Variants in TMEM132E observed in about 807,000 individuals in gnomAD.
The protein encoded by TMEM132E is transmembrane protein 132E.
Under a neutral mutation model 78.5 loss-of-function variants are expected in TMEM132E, and 49 were observed. The observed-to-expected ratio is 0.62, with a 90% CI of 0.50 to 0.79. The LOEUF is 0.79. Ranked by LOEUF, TMEM132E falls within the 30% of genes least tolerant of loss-of-function variation. The probability of loss-of-function intolerance (pLI) is 0.00; values close to 1 mark genes in which losing one functional copy is unlikely to be tolerated. For missense variants in TMEM132E, 1,403 were observed against 1,470.9 expected (o/e 0.95, Z 0.75); for synonymous variants, 715 against 670.6 (o/e 1.07, Z -1.02).
chr17:34,622,117 G>A (rs1254525014), intron 1 of TMEM132E, among the ~76,000 whole-genome samples: 2 of 152,180 alleles, frequency 1.3e-5, no homozygotes, highest in East Asian at 1.9e-4. Context: ...GCACACACGC[G>A]TGTGTGCACT....
At chr17:34,635,453 AAATCATCTACCTAAG>A (rs147168524) in intron 7 of TMEM132E, among the ~76,000 whole-genome samples, 19,085 of 152,174 alleles carry the variant, frequency 0.13, 1,521 homozygotes, top group East Asian at 0.34. Flanking sequence ...GTCTGGATAG[AAATCATCTACCTAAG>A]AAACTGTTGT....
intron 1 of TMEM132E, among the ~76,000 whole-genome samples, chr17:34,604,817 G>C (rs1247093430): frequency 6.6e-6 from 1 of 152,224 alleles, no homozygotes; most frequent in African/African-American, 2.4e-5. Flanking sequence ...TTATTTCTGA[G>C]CATTTCTGTG....
In TMEM132E at chr17:34,628,589, T is replaced by C. The variant is rs1907236554; in HGVS notation, c.1025T>C (p.Leu342Pro). ...LRVKAKKGVT[L>P]LGTKSRSGQW... ...GTGAAGGCCAAGAAGGGTGTGACCC[T>C]TTTAGGTACCAAGTCACGGAGTGGC... Residue 342 changes from leucine to proline, a missense_variant, in exon 3 of 9, where the codon CTT (leucine) becomes CCT (proline). By Grantham distance (98) the Leu-to-Pro change is moderately conservative. Transcript: ENST00000631683. 1 of 1,613,894 alleles carries C rather than the reference T, an allele frequency of 6.2e-7. No individual in the cohort carries two copies. The highest frequency in any genetic ancestry group is 1.3e-5 in the African/African-American group (1 of 75,026).
At chr17:34,592,986 A>G (rs1905927571) in intron 1 of TMEM132E, among the ~76,000 whole-genome samples, 1 of 152,258 alleles carries the variant, frequency 6.6e-6, no homozygotes, top group Non-Finnish European at 1.5e-5. Flanking sequence ...TCCAATAGAA[A>G]TATAACAGCA....
chr17:34,635,922 G>A lies in TMEM132E; in HGVS notation c.1978-85G>A, dbSNP rs1028036342. The A allele has an allele frequency of 4.7e-6, 6 of 1,282,744 alleles. No homozygotes were observed. In the East Asian group the frequency reaches 1.6e-4, roughly 33 times the overall value. The allele number at this position is 1,282,744 out of a possible 1,614,324, so 79.5% of individuals were successfully genotyped here. A position where few individuals can be genotyped will look rare whatever the true frequency, so the allele number is the denominator to read the frequency against. On this transcript the variant is annotated intron_variant, in intron 7 of 8. Transcript: ENST00000631683. ...CCCTTCAGGCCCCTCTTCCAGCAGTGCTGGGATTTCTCCCTAGCTGGGGGT... is the reference window on the plus strand; with the variant it reads ...CCCTTCAGGCCCCTCTTCCAGCAGTACTGGGATTTCTCCCTAGCTGGGGGT...
chr17:34,613,199 A>G (rs1452466536), intron 1 of TMEM132E, among the ~76,000 whole-genome samples: 12 of 110,256 alleles, frequency 1.1e-4, no homozygotes, highest in Admixed American at 1.1e-3. Flanking sequence ...ACACACACCC[A>G]CACACACACA....
At chr17:34,592,326 A>T (rs1905901048) in intron 1 of TMEM132E, among the ~76,000 whole-genome samples, 1 of 152,084 alleles carries the variant, frequency 6.6e-6, no homozygotes, top group Non-Finnish European at 1.5e-5. Context: ...GGCCCCCATC[A>T]CAATGCCAAA....
Position 34,639,186 on chromosome 17 carries a change from C to G in TMEM132E, c.*954C>G, listed in dbSNP as rs1358541836. The G allele has an allele frequency of 6.6e-6, 1 of 152,516 alleles. No homozygotes were observed. Among genetic ancestry groups the G allele is most frequent in the Non-Finnish European group, 1.5e-5 (1 of 68,030 alleles). 9.4% of individuals were successfully genotyped at this position (152,516 alleles called of 1,614,324 possible). On this transcript the variant is annotated 3_prime_UTR_variant, in exon 9 of 9. Coordinates refer to ENST00000631683, the MANE Select transcript of TMEM132E (RefSeq NM_001304438.2). Reference sequence around the variant, plus strand: ...CAGGGTGGGCAAATGCAGAAGGGAGCCAGTGTCGCCCCTACCCCATCCCAC... The same window carrying G: ...CAGGGTGGGCAAATGCAGAAGGGAGGCAGTGTCGCCCCTACCCCATCCCAC...
At chr17:34,627,426 T>G (rs758404) in intron 2 of TMEM132E, among the ~76,000 whole-genome samples, 25,271 of 147,396 alleles carry the variant, frequency 0.17, 2,292 homozygotes, top group East Asian at 0.37. Flanking sequence ...GAAGAGAAAT[T>G]GGGTCCAGAG....
Position 34,626,164 on chromosome 17 carries a change from G to T in TMEM132E, c.105G>T (p.Pro35=), listed in dbSNP as rs1318093542. The change falls in exon 2 of 9, where the codon CCG becomes CCT. Residue 35 remains proline (P), a synonymous_variant. Transcript: ENST00000631683. ...CCCACCCGGCCAGCCCCAGCCCGCC[G>T]GGGCCGCAGGCCAGCCCGGTGCTGC... The part of the protein sequence containing the change: ...GRSHPASPSP[P]GPQASPVLPV... The T allele has an allele frequency of 1.0e-5, 16 of 1,551,416 alleles. No individual in the cohort carries two copies. The highest frequency in any genetic ancestry group is 1.3e-5 in the Non-Finnish European group (15 of 1,150,152).
chr17:34,625,587 T>C (rs1287499554), intron 1 of TMEM132E, among the ~76,000 whole-genome samples: 1 of 150,216 alleles, frequency 6.7e-6, no homozygotes, highest in South Asian at 2.1e-4. Flanking sequence ...ACTGGTCGCG[T>C]GGATGGAGAT....
In TMEM132E at chr17:34,628,721, G is replaced by A. The variant is rs1365454862; in HGVS notation, c.1145+12G>A. On this transcript the variant is annotated intron_variant, in intron 3 of 8. Transcript: ENST00000631683. The stretch of plus-strand genomic sequence containing the variant: ...CCCCTGCCCCCCAGGTGAGCCCGAG[G>A]TGGTGCATCTACCCACCTCTTCGCA... The A allele has an allele frequency of 1.9e-6, 3 of 1,576,674 alleles. No homozygotes were observed. The highest frequency in any genetic ancestry group is 3.7e-5 in the Admixed American group (2 of 53,358).
At chr17:34,599,944 T>C (rs1051415273) in intron 1 of TMEM132E, among the ~76,000 whole-genome samples, 1 of 151,956 alleles carries the variant, frequency 6.6e-6, no homozygotes, top group Non-Finnish European at 1.5e-5. Flanking sequence ...GTGACAGGCC[T>C]AGGGCAGATC....
intron 6 of TMEM132E, among the ~76,000 whole-genome samples, chr17:34,633,158 G>A (rs916122551): frequency 3.3e-5 from 5 of 152,244 alleles, no homozygotes; most frequent in Non-Finnish European, 7.3e-5. Flanking sequence ...GAAGGCATGT[G>A]CATGCCACAG....
Position 34,626,833 on chromosome 17 carries a change from C to A in TMEM132E, c.774C>A (p.Ala258=), listed in dbSNP as rs1211110660. 6.4e-7 allele frequency: 1 copy of A among 1,563,844 alleles called. No homozygotes were observed. The highest frequency in any genetic ancestry group is 8.6e-7 in the Non-Finnish European group (1 of 1,161,018). ...SRRGAGPGVG[A]RAESPTQHPL... is the part of the protein sequence containing the mutation. ...GGGGGGCCGGGCCCGGGGTGGGGGCCCGAGCGGAAAGCCCTACCCAGCACC... is the reference window on the plus strand; with the variant it reads ...GGGGGGCCGGGCCCGGGGTGGGGGCACGAGCGGAAAGCCCTACCCAGCACC... The change falls in exon 2 of 9, where the codon GCC becomes GCA. Residue 258 remains alanine (A), a synonymous_variant. Coordinates refer to ENST00000631683, the MANE Select transcript of TMEM132E (RefSeq NM_001304438.2).
chr17:34,589,458 A>G (rs1209845432), intron 1 of TMEM132E, among the ~76,000 whole-genome samples: 3 of 152,174 alleles, frequency 2.0e-5, no homozygotes, highest in African/African-American at 7.2e-5. Flanking sequence ...CCTTCAGTGT[A>G]TTTCACAGAT....
At chr17:34,608,488 G>C (rs891852989) in intron 1 of TMEM132E, among the ~76,000 whole-genome samples, 3 of 152,212 alleles carry the variant, frequency 2.0e-5, no homozygotes, top group African/African-American at 4.8e-5. Flanking sequence ...CAAGAACCCA[G>C]TGAATGGTGC....
At chr17:34,629,340 G>A in intron 4 of TMEM132E, 136 bp downstream of exon 4, 1 of 1,005,436 alleles carries the variant, frequency 9.9e-7, no homozygotes, top group South Asian at 1.7e-5. Context: ...GCCATGCCCA[G>A]GTATGCCTGT....
At chr17:34,624,065 T>G (rs754504324) in intron 1 of TMEM132E, among the ~76,000 whole-genome samples, 1 of 152,184 alleles carries the variant, frequency 6.6e-6, no homozygotes, top group African/African-American at 2.4e-5. Context: ...CCACGCCTCT[T>G]AAAACAACTG....
Sources: allele counts gnomAD v4.1 joint callset (sites outside exome capture counted in the v4.1 genomes callset), GRCh38; gene constraint gnomAD v4.1.1; transcripts MANE v1.5; gene names NCBI Gene and HGNC (gene_info 2026-07-23, HGNC 2026-07-21).